Variants in BRD10 observed in about 807,000 individuals in gnomAD.
BRD10 encodes uncharacterized bromodomain-containing protein 10.
the BRD10 span, among the ~76,000 whole-genome samples, chr9:5,999,088 A>G: frequency 6.6e-6 from 1 of 152,038 alleles, no homozygotes. Context: ...TTTATAATTT[A>G]TTAATTATAT....
chr9:5,996,213 C>T, the BRD10 span, among the ~76,000 whole-genome samples: 6 of 152,076 alleles, frequency 3.9e-5, no homozygotes, highest in Non-Finnish European at 4.4e-5. Context: ...GAGAAGAATA[C>T]AAACAAAACC....
At chr9:6,007,860 C>T in the BRD10 span, 2 of 1,376,532 alleles carry the variant, frequency 1.5e-6, no homozygotes, top group African/African-American at 3.1e-5. Flanking sequence ...GCGCGAGCCG[C>T]TTCCTCACGG....
chr9:5,894,434 G>A, the BRD10 span, among the ~76,000 whole-genome samples: 1 of 152,180 alleles, frequency 6.6e-6, no homozygotes, highest in Admixed American at 6.5e-5. The surrounding 1 kb of genome is among the most constrained non-coding windows in gnomAD (Gnocchi z 4.0). Flanking sequence ...CCCCGTGTCT[G>A]GGGTAACAAA....
chr9:5,961,506 T>G, the BRD10 span, among the ~76,000 whole-genome samples: 2 of 152,164 alleles, frequency 1.3e-5, no homozygotes, highest in South Asian at 2.1e-4. Flanking sequence ...TTTTAATTTA[T>G]GCACAGCTAA....
At chr9:5,886,671 C>T in the BRD10 span, among the ~76,000 whole-genome samples, 10 of 152,120 alleles carry the variant, frequency 6.6e-5, no homozygotes, top group Admixed American at 3.9e-4. Flanking sequence ...AAAATGAAGG[C>T]AGGTAGGGCC....
At chr9:5,897,439 T>C in the BRD10 span, 7 of 890,934 alleles carry the variant, frequency 7.9e-6, no homozygotes, top group East Asian at 1.3e-4. Flanking sequence ...ACTTGGACAC[T>C]GGGAGATGCT....
chr9:5,969,340 A>G, the BRD10 span: 23 of 1,613,068 alleles, frequency 1.4e-5, no homozygotes, highest in Non-Finnish European at 1.9e-5. Flanking sequence ...TGGTCTCCAT[A>G]CAAGTTGGAG....
the BRD10 span, among the ~76,000 whole-genome samples, chr9:5,901,878 G>A: frequency 1.3e-5 from 2 of 152,082 alleles, no homozygotes; most frequent in Non-Finnish European, 2.9e-5. Flanking sequence ...ATTTTGTCAT[G>A]GTATGTAATT....
the BRD10 span, chr9:6,008,275 C>G: frequency 1.0e-6 from 1 of 984,676 alleles, no homozygotes; most frequent in African/African-American, 1.7e-5. Flanking sequence ...TCCCGCCCCC[C>G]TCTACCTGCG....
the BRD10 span, among the ~76,000 whole-genome samples, chr9:5,938,996 G>A: frequency 1.3e-5 from 2 of 151,940 alleles, no homozygotes; most frequent in Non-Finnish European, 2.9e-5. Context: ...TAAACAGCTG[G>A]CTATAAAATA....
the BRD10 span, chr9:5,908,546 A>G: frequency 2.7e-5 from 30 of 1,093,740 alleles, no homozygotes; most frequent in Admixed American, 1.0e-4. Flanking sequence ...GTCCACAGGG[A>G]AAGTATAAAT....
the BRD10 span, chr9:5,968,251 T>A: frequency 6.2e-7 from 1 of 1,612,790 alleles, no homozygotes; most frequent in Non-Finnish European, 8.5e-7. Flanking sequence ...GAATATCCCT[T>A]ACAACTTTGT....
At chr9:5,983,243 T>A in the BRD10 span, among the ~76,000 whole-genome samples, 4 of 152,162 alleles carry the variant, frequency 2.6e-5, no homozygotes, top group African/African-American at 7.2e-5. Flanking sequence ...ATTATGCTAT[T>A]GTAGGGCTGA....
At chr9:5,947,866 A>C in the BRD10 span, among the ~76,000 whole-genome samples, 2 of 152,192 alleles carry the variant, frequency 1.3e-5, no homozygotes, top group African/African-American at 4.8e-5. Flanking sequence ...TAAAAAAGCA[A>C]AACACCTTAT....
the BRD10 span, among the ~76,000 whole-genome samples, chr9:5,882,513 C>A: frequency 3.3e-5 from 5 of 152,196 alleles, no homozygotes; most frequent in African/African-American, 1.2e-4. Flanking sequence ...TAACAAAAGA[C>A]TGCAAAACCA....
chr9:6,004,931 T>C, the BRD10 span, among the ~76,000 whole-genome samples: 5 of 152,146 alleles, frequency 3.3e-5, no homozygotes, highest in Non-Finnish European at 5.9e-5. Context: ...TTTGCATACA[T>C]CAAATACAAA....
the BRD10 span, among the ~76,000 whole-genome samples, chr9:5,896,416 T>C: frequency 6.6e-6 from 1 of 152,192 alleles, no homozygotes; most frequent in Non-Finnish European, 1.5e-5. Flanking sequence ...CATCTAGCAC[T>C]GTCATCCCAT....
At chr9:5,897,618 T>C in the BRD10 span, 11 of 1,614,114 alleles carry the variant, frequency 6.8e-6, no homozygotes, top group Admixed American at 1.0e-4. Context: ...CGGCTGTTGG[T>C]ATTGTAGAAG....
At chr9:5,887,252 G>C in the BRD10 span, among the ~76,000 whole-genome samples, 2 of 152,038 alleles carry the variant, frequency 1.3e-5, no homozygotes, top group Admixed American at 6.6e-5. Flanking sequence ...GAACAAGACT[G>C]TCCCCCAACC....
Sources: allele counts gnomAD v4.1 joint callset (sites outside exome capture counted in the v4.1 genomes callset), GRCh38; gene constraint gnomAD v4.1.1; non-coding constraint Gnocchi (gnomAD v3.1); transcripts MANE v1.5; gene names NCBI Gene and HGNC (gene_info 2026-07-23, HGNC 2026-07-21).